ENTREP2: variants seen among roughly 807,000 people sequenced by gnomAD.
ENTREP2 encodes protein ENTREP2.
At chr15:29,445,175 C>G in the ENTREP2 span, among the ~76,000 whole-genome samples, 5 of 152,100 alleles carry the variant, frequency 3.3e-5, no homozygotes, top group Non-Finnish European at 7.4e-5. Flanking sequence ...GTGGAGCCCT[C>G]ATGAATGGAA....
the ENTREP2 span, among the ~76,000 whole-genome samples, chr15:29,616,992 G>A: frequency 2.0e-5 from 3 of 152,136 alleles, no homozygotes; most frequent in African/African-American, 7.2e-5. Context: ...CCTGGGAGGC[G>A]GAGGTTGCAG....
chr15:29,283,386 T>C, the ENTREP2 span, among the ~76,000 whole-genome samples: 1 of 152,298 alleles, frequency 6.6e-6, no homozygotes, highest in East Asian at 1.9e-4. Flanking sequence ...TCTTGCTCTG[T>C]CACCCAGGCT....
the ENTREP2 span, among the ~76,000 whole-genome samples, chr15:29,426,390 G>C: frequency 6.2e-4 from 95 of 152,208 alleles, no homozygotes; most frequent in African/African-American, 2.2e-3. Context: ...GCTTTGTCTT[G>C]TTTAACGCTT....
the ENTREP2 span, among the ~76,000 whole-genome samples, chr15:29,550,757 C>A: frequency 6.6e-6 from 1 of 152,156 alleles, no homozygotes; most frequent in African/African-American, 2.4e-5. Context: ...TTCCTTGTGT[C>A]ATTTATCTTC....
the ENTREP2 span, among the ~76,000 whole-genome samples, chr15:29,452,385 C>T: frequency 8.5e-5 from 13 of 152,320 alleles, no homozygotes; most frequent in African/African-American, 3.1e-4. Flanking sequence ...CCCTCGTCAG[C>T]TCCCAGAAGC....
the ENTREP2 span, among the ~76,000 whole-genome samples, chr15:29,303,949 C>T: frequency 0.16 from 24,718 of 151,734 alleles, 3,382 homozygotes; most frequent in African/African-American, 0.38. Context: ...GGCGTGATCT[C>T]GGCTCACTGC....
the ENTREP2 span, among the ~76,000 whole-genome samples, chr15:29,345,047 A>G: frequency 1.3e-5 from 2 of 151,894 alleles, no homozygotes; most frequent in Non-Finnish European, 2.9e-5. Context: ...CTTTCCCTAC[A>G]TTAAGTGGGA....
At chr15:29,552,247 G>A in the ENTREP2 span, among the ~76,000 whole-genome samples, 13 of 152,182 alleles carry the variant, frequency 8.5e-5, no homozygotes, top group Non-Finnish European at 1.6e-4. Flanking sequence ...AGACAGAAGG[G>A]GAAATGTGAT....
the ENTREP2 span, chr15:29,196,557 A>G: frequency 1.3e-6 from 2 of 1,550,862 alleles, no homozygotes; most frequent in African/African-American, 2.7e-5. Context: ...CACACTGTCA[A>G]ACTTAATCTA....
At chr15:29,207,780 T>C in the ENTREP2 span, among the ~76,000 whole-genome samples, 60 of 152,174 alleles carry the variant, frequency 3.9e-4, no homozygotes, top group Non-Finnish European at 1.5e-5. Context: ...ACTGGGCACC[T>C]GTTTGTTCCT....
the ENTREP2 span, chr15:29,123,789 CCCTG>C: frequency 2.4e-6 from 2 of 835,710 alleles, no homozygotes; most frequent in African/African-American, 1.7e-5. Flanking sequence ...TCTGGGCATG[CCCTG>C]CTGTCCCCAT....
At chr15:29,277,650 C>T in the ENTREP2 span, among the ~76,000 whole-genome samples, 1 of 152,138 alleles carries the variant, frequency 6.6e-6, no homozygotes, top group South Asian at 2.1e-4. Flanking sequence ...TCCTGCTGTG[C>T]GGCCAGGTTC....
chr15:29,413,111 T>C, the ENTREP2 span, among the ~76,000 whole-genome samples: 1 of 152,132 alleles, frequency 6.6e-6, no homozygotes, highest in South Asian at 2.1e-4. Context: ...CTTAATTAAA[T>C]TGTGGTCAGA....
chr15:29,412,265 C>T, the ENTREP2 span, among the ~76,000 whole-genome samples: 1 of 152,012 alleles, frequency 6.6e-6, no homozygotes, highest in African/African-American at 2.4e-5. Flanking sequence ...TAAAGTTTTA[C>T]ACTTTTCTGC....
chr15:29,217,254 T>C, the ENTREP2 span, among the ~76,000 whole-genome samples: 1 of 152,214 alleles, frequency 6.6e-6, no homozygotes, highest in East Asian at 1.9e-4. Context: ...AGAAGTTAAG[T>C]CCTTGAGGAA....
At chr15:29,265,952 T>G in the ENTREP2 span, 1 of 152,226 alleles carries the variant, frequency 6.6e-6, no homozygotes, top group East Asian at 1.9e-4. Flanking sequence ...GGGGAATTTT[T>G]TAAAGCACTA....
chr15:29,398,909 A>G, the ENTREP2 span, among the ~76,000 whole-genome samples: 1 of 152,186 alleles, frequency 6.6e-6, no homozygotes, highest in South Asian at 2.1e-4. Context: ...GGTGGATGGG[A>G]GGTCCCAAAT....
chr15:29,591,621 C>T, the ENTREP2 span, among the ~76,000 whole-genome samples: 22,645 of 151,918 alleles, frequency 0.15, 2,410 homozygotes, highest in East Asian at 0.45. Flanking sequence ...AGGCTGGGTG[C>T]GGTGGTTCAC....
At chr15:29,603,216 A>G in the ENTREP2 span, among the ~76,000 whole-genome samples, 5 of 152,148 alleles carry the variant, frequency 3.3e-5, no homozygotes, top group African/African-American at 4.8e-5. Flanking sequence ...GGGAGATGGG[A>G]ACAAAGGCAT....
Sources: allele counts gnomAD v4.1 joint callset (sites outside exome capture counted in the v4.1 genomes callset), GRCh38; gene constraint gnomAD v4.1.1; transcripts MANE v1.5; gene names NCBI Gene and HGNC (gene_info 2026-07-23, HGNC 2026-07-21).